SH3GL3: variants seen among roughly 807,000 people sequenced by gnomAD.
SH3GL3 encodes the protein SH3 domain containing GRB2 like 3, endophilin A3, also known as endophilin-A3.
In SH3GL3, 33 loss-of-function variants were observed where a neutral mutation model predicts 47.7. That is an observed-to-expected ratio of 0.69 (90% CI 0.52 to 0.92). The LOEUF is 0.92. Ranked by LOEUF, SH3GL3 falls within the 40% of genes least tolerant of loss-of-function variation. The pLI, the probability that SH3GL3 is intolerant of heterozygous loss-of-function variation, is 0.00. For missense variants in SH3GL3, 363 were observed against 417.8 expected (o/e 0.87, Z 1.14); for synonymous variants, 155 against 148.8 (o/e 1.04, Z -0.30).
chr15:83,493,194 A>G (rs1055432672), intron 1 of SH3GL3, among the ~76,000 whole-genome samples: 1 of 152,118 alleles, frequency 6.6e-6, no homozygotes, highest in African/African-American at 2.4e-5. Flanking sequence ...ATGAGATGAT[A>G]CGATGTCTGT....
At chr15:83,519,318 AT>A (rs1208056601) in intron 1 of SH3GL3, among the ~76,000 whole-genome samples, 1 of 152,108 alleles carries the variant, frequency 6.6e-6, no homozygotes, top group Non-Finnish European at 1.5e-5. Flanking sequence ...ATGTTTTTCC[AT>A]TTGTTTGTAT....
chr15:83,483,257 G>A (rs147579536), intron 1 of SH3GL3, among the ~76,000 whole-genome samples: 3 of 152,268 alleles, frequency 2.0e-5, no homozygotes. Context: ...AAGGAAGGTT[G>A]CAAATGGAGG....
intron 8 of SH3GL3, among the ~76,000 whole-genome samples, chr15:83,611,846 T>C (rs1288529036): frequency 6.6e-6 from 1 of 152,174 alleles, no homozygotes; most frequent in African/African-American, 2.4e-5. Context: ...CTGCCTGGAC[T>C]TTGGGGCTCC....
chr15:83,538,389 T>C (rs908567854), intron 1 of SH3GL3, among the ~76,000 whole-genome samples: 3 of 152,160 alleles, frequency 2.0e-5, no homozygotes, highest in Non-Finnish European at 2.9e-5. Flanking sequence ...AAAATGTACA[T>C]ATAGGAAAGT....
the SH3GL3 span, among the ~76,000 whole-genome samples, chr15:83,632,275 C>T: frequency 6.6e-6 from 1 of 152,180 alleles, no homozygotes; most frequent in Non-Finnish European, 1.5e-5. Flanking sequence ...CTGTTCCAAC[C>T]CCTGCCTGTT....
In SH3GL3 at chr15:83,603,356, C is replaced by T. The variant is rs80276645; in HGVS notation, c.838+14585C>T. Among the ~76,000 whole-genome samples, 1,494 of 152,292 alleles carry T rather than the reference C, an allele frequency of 9.8e-3. 24 individuals carry two copies. Among genetic ancestry groups the T allele is most frequent in the African/African-American group, 0.034 (1,400 of 41,558 alleles). Reference sequence around the variant, plus strand: ...CCAGGCAGTTCCATGTGCCTGTAAACACATTCAAAGTTCTTTCTTAGATAT... The same window carrying T: ...CCAGGCAGTTCCATGTGCCTGTAAATACATTCAAAGTTCTTTCTTAGATAT... On this transcript the variant is annotated intron_variant, in intron 8 of 8. Coordinates refer to ENST00000427482, the MANE Select transcript of SH3GL3 (RefSeq NM_003027.5).
At chr15:83,560,760 C>T (rs1429630545) in intron 2 of SH3GL3, among the ~76,000 whole-genome samples, 2 of 151,810 alleles carry the variant, frequency 1.3e-5, no homozygotes, top group Non-Finnish European at 2.9e-5. Flanking sequence ...ATTAGACCCA[C>T]CTAATAAATG....
intron 1 of SH3GL3, chr15:83,490,890 G>C: frequency 6.2e-7 from 1 of 1,614,144 alleles, no homozygotes; most frequent in Admixed American, 1.7e-5. Context: ...GCCTTACCTG[G>C]ACCTCCCAAC....
At chr15:83,456,857 G>C (rs2040012522) in intron 1 of SH3GL3, among the ~76,000 whole-genome samples, 2 of 152,146 alleles carry the variant, frequency 1.3e-5, no homozygotes, top group East Asian at 1.9e-4. Flanking sequence ...TTTTTCAAGT[G>C]CATAGTTAAA....
intron 1 of SH3GL3, among the ~76,000 whole-genome samples, chr15:83,541,312 ATTTTTTTTTTTTTTTTTT>A (rs71156085): frequency 0.19 from 8,893 of 47,330 alleles, 518 homozygotes; most frequent in Middle Eastern, 0.35. Context: ...TGGTAATTCT[ATTTTTTTTTTTTTTTTTT>A]TTTTTTTTTT....
At chr15:83,594,018 C>G (rs1473477931) in intron 8 of SH3GL3, among the ~76,000 whole-genome samples, 3 of 152,098 alleles carry the variant, frequency 2.0e-5, no homozygotes, top group African/African-American at 7.2e-5. Context: ...GAGGATTCAC[C>G]CTGTTGCCTA....
At chr15:83,536,865 A>G (rs983142819) in intron 1 of SH3GL3, among the ~76,000 whole-genome samples, 5 of 152,138 alleles carry the variant, frequency 3.3e-5, no homozygotes, top group South Asian at 2.1e-4. Flanking sequence ...GTTCCCCTCT[A>G]TACTTTGATT....
intron 5 of SH3GL3, among the ~76,000 whole-genome samples, chr15:83,573,992 C>A (rs1009318380): frequency 6.6e-6 from 1 of 152,206 alleles, no homozygotes; most frequent in Non-Finnish European, 1.5e-5. Context: ...TCAGGGAAGG[C>A]TTCTCAGAGG....
rs940769077 is a variant in SH3GL3, at chr15:83,448,323, G to A, written c.45+745G>A. 2.0e-5 allele frequency among the ~76,000 whole-genome samples: 3 copies of A among 152,136 alleles called. No homozygotes were observed. The South Asian group carries it at 6.2e-4, about 32-fold the overall frequency. On this transcript the variant is annotated intron_variant, in intron 1 of 8. Transcript: ENST00000427482. The surrounding 1 kb of genome is among the most constrained non-coding windows in gnomAD (Gnocchi z 4.2). The stretch of plus-strand genomic sequence containing the variant: ...CGTCAGGGAGAGCTTCCCGGAGGAG[G>A]AGACATGTCATTTGAGAATTAAGTA...
At chr15:83,564,335 A>G (rs1000953804) in intron 2 of SH3GL3, among the ~76,000 whole-genome samples, 8 of 152,354 alleles carry the variant, frequency 5.3e-5, no homozygotes, top group South Asian at 4.1e-4. Context: ...GAGTTTTCCC[A>G]TCTAAGAATG....
At chr15:83,563,570 A>T (rs1002647869) in intron 2 of SH3GL3, among the ~76,000 whole-genome samples, 1 of 152,136 alleles carries the variant, frequency 6.6e-6, no homozygotes, top group African/African-American at 2.4e-5. Context: ...AATGTAAAGC[A>T]TCTCCTTTTT....
At chr15:83,487,878 C>CTTTTTTTTTTTTT (rs58188472) in intron 1 of SH3GL3, among the ~76,000 whole-genome samples, 1 of 137,624 alleles carries the variant, frequency 7.3e-6, no homozygotes. Flanking sequence ...TTTTTCTTTT[C>CTTTTTTTTTTTTT]TTTTTTTTTT....
At chr15:83,612,886 C>T (rs1171384246) in intron 8 of SH3GL3, among the ~76,000 whole-genome samples, 1 of 152,184 alleles carries the variant, frequency 6.6e-6, no homozygotes, top group African/African-American at 2.4e-5. Flanking sequence ...CTTATAAAAG[C>T]CTACCTGGCT....
At chr15:83,622,905 C>T (rs1024946684), downstream of SH3GL3, among the ~76,000 whole-genome samples, 2 of 152,240 alleles carry the variant, frequency 1.3e-5, no homozygotes, top group Non-Finnish European at 2.9e-5. Context: ...ACTGATGGTG[C>T]CCACAGGGCA....
Sources: gnomAD v4.1 joint callset for allele counts (sites outside exome capture counted in the v4.1 genomes callset) on GRCh38, gnomAD v4.1.1 for gene constraint, Gnocchi (gnomAD v3.1) non-coding constraint, MANE v1.5 for transcripts, NCBI Gene and HGNC (gene_info 2026-07-23, HGNC 2026-07-21) for gene names.